The following NAALADL1 variants were observed in gnomAD, a reference collection of about 807,000 sequenced individuals.
NAALADL1 encodes N-acetylated alpha-linked acidic dipeptidase like 1, also known as aminopeptidase NAALADL1.
A neutral mutation model predicts 82.8 loss-of-function variants in NAALADL1; 77 were observed. That is an observed-to-expected ratio of 0.93 (90% confidence interval 0.77 to 1.12). The LOEUF is 1.12. Ranked by LOEUF, NAALADL1 falls within the 50% of genes most tolerant of loss-of-function variation. The probability of loss-of-function intolerance (pLI) is 0.00; values close to 1 mark genes in which losing one functional copy is unlikely to be tolerated. For synonymous variants in NAALADL1, 358 were observed against 399.2 expected (o/e 0.90, Z 1.23); for missense variants, 956 against 964.0 (o/e 0.99, Z 0.11).
intron 8 of NAALADL1, among the ~76,000 whole-genome samples, chr11:65,051,590 C>T (rs1016019723): frequency 2.0e-5 from 3 of 151,880 alleles, no homozygotes; most frequent in Admixed American, 1.3e-4. Context: ...CCTCAGCCTT[C>T]GAAAGTGCAG....
Position 65,053,623 on chromosome 11 carries a change from C to A in NAALADL1, c.993-47G>T. 1 of 1,503,904 alleles carries A rather than the reference C, an allele frequency of 6.6e-7. No individual in the cohort carries two copies. Among genetic ancestry groups the A allele is most frequent in the Non-Finnish European group, 9.0e-7 (1 of 1,110,530 alleles). 93.2% of individuals were successfully genotyped at this position (1,503,904 alleles called of 1,614,324 possible). A position where few individuals can be genotyped will look rare whatever the true frequency, so the allele number is the denominator to read the frequency against. On this transcript the variant is annotated intron_variant, in intron 6 of 17. Coordinates refer to ENST00000358658, the MANE Select transcript of NAALADL1 (RefSeq NM_005468.3). The surrounding 1 kb of genome is among the most constrained non-coding windows in gnomAD (Gnocchi z 4.3). ...AGAAGACTCTTGGCCTTGCCCACTG[C>A]CCCCGACCCAGTGCAGGAGACACTG...
At position 65,054,270 on chromosome 11, in the gene NAALADL1, G is replaced by A. The variant is rs145655794; in HGVS notation, c.972C>T (p.Asp324=). The change falls in exon 6 of 18, where the codon GAC becomes GAT. Residue 324 remains aspartate (D), a synonymous_variant. Coordinates refer to ENST00000358658, the MANE Select transcript of NAALADL1 (RefSeq NM_005468.3). This position sits in a 1 kb window ranked among gnomAD's most constrained non-coding sequence, Gnocchi z 4.3. ...HYRLGPGFRP[D]GDFPADSQVN... Reference sequence around the variant, plus strand: ...CTCACCTGTCTGCTGGGAAGTCTCCGTCAGGCCGGAAGCCGGGACCCAACC... The same window carrying A: ...CTCACCTGTCTGCTGGGAAGTCTCCATCAGGCCGGAAGCCGGGACCCAACC... 1.4e-5 allele frequency: 23 copies of A among 1,613,952 alleles called. No individual in the cohort carries two copies. The highest frequency in any genetic ancestry group is 1.2e-4 in the Admixed American group (7 of 59,986).
At chr11:65,048,679 T>A (rs957707765) in intron 8 of NAALADL1, among the ~76,000 whole-genome samples, 1 of 151,984 alleles carries the variant, frequency 6.6e-6, no homozygotes, top group African/African-American at 2.4e-5. Context: ...AACCCCCGCC[T>A]CCAGGCCAAA....
Position 65,053,085 on chromosome 11 carries a change from G to C in NAALADL1, c.1198+133C>G. Reference sequence around the variant, plus strand: ...ACTGGGCTGCTGCAGGCCAAGGCTGGTGTCATGCATGTCTGCCCCCAGGGC... The same window carrying C: ...ACTGGGCTGCTGCAGGCCAAGGCTGCTGTCATGCATGTCTGCCCCCAGGGC... On this transcript the variant is annotated intron_variant, in intron 8 of 17. Coordinates refer to ENST00000358658, the MANE Select transcript of NAALADL1 (RefSeq NM_005468.3). This position sits in a 1 kb window ranked among gnomAD's most constrained non-coding sequence, Gnocchi z 4.3. The C allele has an allele frequency of 8.6e-7, 1 of 1,161,728 alleles. No individual in the cohort carries two copies. Among genetic ancestry groups the C allele is most frequent in the South Asian group, 1.6e-5 (1 of 62,586 alleles). 72.0% of individuals were successfully genotyped at this position (1,161,728 alleles called of 1,614,324 possible).
chr11:65,048,460 C>T lies in NAALADL1; in HGVS notation c.1199-75G>A, dbSNP rs75121661. 31 of 1,533,774 alleles carry T rather than the reference C, an allele frequency of 2.0e-5. No homozygotes were observed. The East Asian group carries it at 4.5e-4, about 22-fold the overall frequency. On this transcript the variant is annotated intron_variant, in intron 8 of 17. Coordinates refer to ENST00000358658, the MANE Select transcript of NAALADL1 (RefSeq NM_005468.3). Reference sequence around the variant, plus strand: ...GGTGCCTTAGGAGAAAGGCTGCTGACGTGAGGAGGGGAGAGCGGGAAAAGG... The same window carrying T: ...GGTGCCTTAGGAGAAAGGCTGCTGATGTGAGGAGGGGAGAGCGGGAAAAGG...
In NAALADL1 at chr11:65,058,412, G is replaced by A; in HGVS notation, c.110C>T (p.Pro37Leu). 1 of 1,614,138 alleles carries A rather than the reference G, an allele frequency of 6.2e-7. No homozygotes were observed. The highest frequency in any genetic ancestry group is 8.5e-7 in the Non-Finnish European group (1 of 1,179,998). ...CAGGATCTCCAGGTCCAGGTCCTGG[G>A]GGGCCAGTGAGTTGGCTTTTTTGGG... ...AIPKKANSLAPQDLDLEILET... is the reference protein window; with the variant it reads ...AIPKKANSLALQDLDLEILET... Residue 37 changes from proline to leucine, a missense_variant, in exon 1 of 18, where the codon CCC becomes CTC. Physicochemically the swap from Pro to Leu is moderately conservative, Grantham distance 98. Transcript: ENST00000358658.
At chr11:65,058,776 C>A (rs766111048), upstream of NAALADL1, among the ~76,000 whole-genome samples, 3 of 152,184 alleles carry the variant, frequency 2.0e-5, no homozygotes, top group African/African-American at 4.8e-5. Context: ...AGGGAAGGGG[C>A]TCATCCAGGG....
chr11:65,045,405 A>T lies in NAALADL1; in HGVS notation c.2089T>A (p.Ser697Thr). The change falls in exon 18 of 18, where the codon TCC (serine) becomes ACC (threonine). Residue 697 changes from serine to threonine, a missense_variant. Ser to Thr is a moderately conservative substitution (Grantham distance 58). Transcript: ENST00000358658. ...TCCCTGGCCCTGGAGCAGGCATTGG[A>T]TAGGCCCGGGAATGTGACTACGGAG... Reference protein sequence around the residue: ...TGSVVTFPGLSNACSRARDTA... With the variant: ...TGSVVTFPGLTNACSRARDTA... The T allele has an allele frequency of 1.9e-6, 3 of 1,613,274 alleles. No homozygotes were observed. Among genetic ancestry groups the T allele is most frequent in the Middle Eastern group, 3.3e-4 (2 of 6,056 alleles).
chr11:65,048,422 C>T (rs1565225733), intron 8 of NAALADL1, 37 bp from the exon 9 acceptor site: 2 of 1,611,696 alleles, frequency 1.2e-6, no homozygotes, highest in South Asian at 1.1e-5. Context: ...GGACAGGGTC[C>T]TCCTGATCCT....
intron 10 of NAALADL1, 47 bp from the exon 11 acceptor site, chr11:65,048,095 T>C (rs773900008): frequency 4.3e-6 from 7 of 1,613,852 alleles, no homozygotes; most frequent in African/African-American, 2.7e-5. Context: ...GCCCCTTCTT[T>C]TACCCACCCA....
chr11:65,054,799 C>T lies in NAALADL1; in HGVS notation c.604-61G>A. 6.4e-7 allele frequency: 1 copy of T among 1,559,646 alleles called. No individual in the cohort carries two copies. Among genetic ancestry groups the T allele is most frequent in the Non-Finnish European group, 8.7e-7 (1 of 1,152,248 alleles). On this transcript the variant is annotated intron_variant, in intron 4 of 17. Coordinates refer to ENST00000358658, the MANE Select transcript of NAALADL1 (RefSeq NM_005468.3). This position sits in a 1 kb window ranked among gnomAD's most constrained non-coding sequence, Gnocchi z 4.3. ...GACCGGGACCAGATATGTCCTATTC[C>T]TCTTCCTCCTTCCTCGACTGTGGAA...
intron 8 of NAALADL1, among the ~76,000 whole-genome samples, chr11:65,049,978 C>T (rs1055915777): frequency 6.6e-6 from 1 of 151,494 alleles, no homozygotes; most frequent in Non-Finnish European, 1.5e-5. Flanking sequence ...CAGGTTCAAG[C>T]GATTCTCCTG....
rs1947088523 is a variant in NAALADL1, at chr11:65,057,926, C to T, written c.429G>A (p.Gly143=). 1 of 1,614,042 alleles carries T rather than the reference C, an allele frequency of 6.2e-7. No individual in the cohort carries two copies. Among genetic ancestry groups the T allele is most frequent in the East Asian group, 2.2e-5 (1 of 44,866 alleles). Residue 143 remains glycine, a synonymous_variant, in exon 3 of 18, where the codon GGG becomes GGA. Coordinates refer to ENST00000358658, the MANE Select transcript of NAALADL1 (RefSeq NM_005468.3). ...CAGCATAGGGTTGTACCACATCTGG[C>T]CCCCCTTGCTCCCCGGTCACGTTCT... is the stretch of plus-strand genomic sequence containing the variant. ...TEENVTGEQG[G]PDVVQPYAAY... is the part of the protein sequence containing the mutation.
chr11:65,058,280 C>A (rs1426309439), intron 1 of NAALADL1, 30 bp from the exon 2 acceptor site: 4 of 1,613,620 alleles, frequency 2.5e-6, no homozygotes, highest in Non-Finnish European at 3.4e-6. Context: ...AGGGGCAGGG[C>A]CAGCATCAGG....
chr11:65,045,433 C>T lies in NAALADL1; in HGVS notation c.2061G>A (p.Thr687=), dbSNP rs374007106. 28 of 1,610,752 alleles carry T rather than the reference C, an allele frequency of 1.7e-5. No individual in the cohort carries two copies. The Admixed American group carries it at 2.7e-4, about 15-fold the overall frequency. The part of the protein sequence containing the change: ...YYSHVLWAPR[T]GSVVTFPGLS... ...GGCCCGGGAATGTGACTACGGAGCC[C>T]GTGCGAGGTGCCCAGAGCACATGGC... Residue 687 remains threonine, a synonymous_variant, in exon 18 of 18, where the codon ACG becomes ACA. Transcript: ENST00000358658.
At chr11:65,057,616 T>C in intron 3 of NAALADL1, 123 bp from the exon 4 acceptor site, 1 of 1,372,736 alleles carries the variant, frequency 7.3e-7, no homozygotes, top group Non-Finnish European at 9.8e-7. Context: ...CACCCAGAGC[T>C]TGTAAGCTCC....
chr11:65,057,477 G>A lies in NAALADL1; in HGVS notation c.497C>T (p.Ala166Val), dbSNP rs767050113. The A allele has an allele frequency of 3.1e-6, 5 of 1,613,762 alleles. No homozygotes were observed. The South Asian group carries it at 3.3e-5, about 11-fold the overall frequency. ...AAAGTCTTCTTCCGCGCCCCGGTTG[G>A]CATAGACGAGGAGGCCCTAGTCCCA... ...SGTPQGLLVY[A>V]NRGAEEDFKE... Residue 166 changes from alanine to valine, a missense_variant, in exon 4 of 18, where the codon GCC (alanine) becomes GTC (valine). Coordinates refer to ENST00000358658, the MANE Select transcript of NAALADL1 (RefSeq NM_005468.3).
In NAALADL1 at chr11:65,046,013, C is replaced by T; in HGVS notation, c.1943+14G>A. On this transcript the variant is annotated intron_variant, in intron 16 of 17. Transcript: ENST00000358658. ...GTGCTGCCCTCCCAGCCCCTGCCCGCTGCCCTTGCTCACTCAGGGCTGCCC... is the reference window on the plus strand; with the variant it reads ...GTGCTGCCCTCCCAGCCCCTGCCCGTTGCCCTTGCTCACTCAGGGCTGCCC... The T allele has an allele frequency of 6.2e-7, 1 of 1,613,286 alleles. No homozygotes were observed. Among genetic ancestry groups the T allele is most frequent in the Non-Finnish European group, 8.5e-7 (1 of 1,179,762 alleles).
Position 65,057,761 on chromosome 11 carries a change from TC to T in NAALADL1, c.480+113del, listed in dbSNP as rs1947081657. On this transcript the variant is annotated intron_variant, in intron 3 of 17. Coordinates refer to ENST00000358658, the MANE Select transcript of NAALADL1 (RefSeq NM_005468.3). ...CGATGGAGTGTCCCGGTGAGTAAAT[TC>T]CGGAGGGCGCGCTGTGCCCCAGTTG... 4.7e-6 allele frequency: 7 copies of T among 1,496,092 alleles called. No individual in the cohort carries two copies. In the East Asian group the frequency reaches 1.6e-4, roughly 34 times the overall value. 92.7% of individuals were successfully genotyped at this position (1,496,092 alleles called of 1,614,324 possible). A position where few individuals can be genotyped will look rare whatever the true frequency, so the allele number is the denominator to read the frequency against.
Sources: gnomAD v4.1 joint callset for allele counts (sites outside exome capture counted in the v4.1 genomes callset) on GRCh38, gnomAD v4.1.1 for gene constraint, Gnocchi (gnomAD v3.1) non-coding constraint, MANE v1.5 for transcripts, NCBI Gene and HGNC (gene_info 2026-07-23, HGNC 2026-07-21) for gene names.